BCAS1: variants seen among roughly 807,000 people sequenced by gnomAD.
BCAS1 encodes the protein brain enriched myelin associated protein 1.
In BCAS1, 46 loss-of-function variants were observed where a neutral mutation model predicts 65.4. That is an observed-to-expected ratio of 0.70 (90% confidence interval 0.55 to 0.90). The LOEUF is 0.90. Among genes scored for constraint, BCAS1 ranks in the 40% least tolerant of loss-of-function variants. The pLI is 0.00. For synonymous variants in BCAS1, 298 were observed against 293.5 expected, an observed-to-expected ratio of 1.02 and a Z score of -0.16; for missense variants, 793 against 771.2, an observed-to-expected ratio of 1.03 and a Z score of -0.33.
chr20:54,018,327 G>T (rs16998745), intron 4 of BCAS1, among the ~76,000 whole-genome samples: 11 of 152,014 alleles, frequency 7.2e-5, no homozygotes, highest in Non-Finnish European at 4.4e-5. Context: ...CTACCTGCTG[G>T]GGAATCTAAA....
chr20:53,988,694 A>G (rs527543824), intron 7 of BCAS1, among the ~76,000 whole-genome samples: 1 of 152,358 alleles, frequency 6.6e-6, no homozygotes, highest in Admixed American at 6.5e-5. Context: ...GAAATATCCA[A>G]TAAATTACTG....
At chr20:53,960,182 T>G (rs1299741869) in intron 10 of BCAS1, among the ~76,000 whole-genome samples, 5 of 152,174 alleles carry the variant, frequency 3.3e-5, no homozygotes. Flanking sequence ...GAGTCACGCA[T>G]GAGCACTCCA....
intron 3 of BCAS1, among the ~76,000 whole-genome samples, chr20:54,046,123 T>A (rs2092099357): frequency 6.6e-6 from 1 of 152,200 alleles, no homozygotes; most frequent in Admixed American, 6.5e-5. Context: ...AAAAATAAAA[T>A]ACAAAGAATT....
At chr20:53,964,029 G>A (rs1568818115) in intron 10 of BCAS1, among the ~76,000 whole-genome samples, 2 of 152,206 alleles carry the variant, frequency 1.3e-5, no homozygotes, top group African/African-American at 2.4e-5. Flanking sequence ...ACCTGTTTAC[G>A]CTCACTGTTG....
intron 1 of BCAS1, among the ~76,000 whole-genome samples, chr20:54,062,620 G>A (rs1479436305): frequency 6.6e-6 from 1 of 152,202 alleles, no homozygotes; most frequent in Non-Finnish European, 1.5e-5. Flanking sequence ...ATCAACACTT[G>A]AGGTTATGAA....
chr20:54,068,681 A>G (rs550260824), intron 1 of BCAS1, among the ~76,000 whole-genome samples: 2 of 152,254 alleles, frequency 1.3e-5, no homozygotes, highest in South Asian at 2.1e-4. Flanking sequence ...TACTTGCCCA[A>G]GAGTAGCAGT....
At chr20:53,995,637 T>G (rs371509361) in intron 5 of BCAS1, among the ~76,000 whole-genome samples, 7 of 152,296 alleles carry the variant, frequency 4.6e-5, no homozygotes, top group African/African-American at 1.7e-4. Flanking sequence ...AGAATTCCAT[T>G]ACAACACAGC....
intron 10 of BCAS1, among the ~76,000 whole-genome samples, chr20:53,966,050 A>G (rs923013883): frequency 3.3e-5 from 5 of 152,232 alleles, no homozygotes; most frequent in Non-Finnish European, 5.9e-5. Context: ...TAGTACAACC[A>G]CTATAGAAAA....
chr20:54,015,969 C>T (rs2091429343), intron 4 of BCAS1, among the ~76,000 whole-genome samples: 1 of 152,250 alleles, frequency 6.6e-6, no homozygotes, highest in Admixed American at 6.5e-5. Flanking sequence ...TATTCTATTA[C>T]TGAAAGTCAA....
chr20:54,004,728 T>C (rs2091143815), intron 4 of BCAS1, among the ~76,000 whole-genome samples: 1 of 152,042 alleles, frequency 6.6e-6, no homozygotes, highest in African/African-American at 2.4e-5. Context: ...AGTTATGCTT[T>C]CACTGTGTAT....
chr20:53,996,883 CTG>C (rs948390330), intron 4 of BCAS1, among the ~76,000 whole-genome samples: 16 of 152,340 alleles, frequency 1.1e-4, no homozygotes, highest in African/African-American at 3.4e-4. Flanking sequence ...TCCATCCTCT[CTG>C]TACCACGTGC....
intron 3 of BCAS1, among the ~76,000 whole-genome samples, chr20:54,041,098 T>G (rs1313329129): frequency 2.0e-5 from 3 of 151,368 alleles, no homozygotes; most frequent in East Asian, 3.8e-4. Context: ...TATTGTATGA[T>G]TCCATTTATA....
At chr20:53,961,110 T>C (rs1289640931) in intron 10 of BCAS1, among the ~76,000 whole-genome samples, 1 of 152,260 alleles carries the variant, frequency 6.6e-6, no homozygotes. Flanking sequence ...ATTTCTTTCA[T>C]CTTGTCATGC....
intron 4 of BCAS1, among the ~76,000 whole-genome samples, chr20:54,025,535 CAGA>C (rs1388264623): frequency 6.6e-6 from 1 of 152,136 alleles, no homozygotes; most frequent in Non-Finnish European, 1.5e-5. Flanking sequence ...TCTGAAAACA[CAGA>C]AGATTTGTAT....
chr20:54,007,777 G>C (rs1179726939), intron 4 of BCAS1, among the ~76,000 whole-genome samples: 1 of 152,054 alleles, frequency 6.6e-6, no homozygotes, highest in African/African-American at 2.4e-5. Flanking sequence ...CTGCTTCTGG[G>C]AAGATGGGGC....
At chr20:53,945,555 C>T (rs6127028) in intron 12 of BCAS1, among the ~76,000 whole-genome samples, 7,173 of 152,146 alleles carry the variant, frequency 0.047, 381 homozygotes, top group East Asian at 0.31. Context: ...CTTCCCCCAA[C>T]CCCCCATCCC....
chr20:54,010,183 T>C (rs1220601916), intron 4 of BCAS1, among the ~76,000 whole-genome samples: 1 of 152,196 alleles, frequency 6.6e-6, no homozygotes, highest in East Asian at 1.9e-4. Context: ...GGCAAGGATG[T>C]CAGCTCTCAT....
In BCAS1 at chr20:53,995,957, CCTTT is replaced by C; in HGVS notation, c.813_816del (p.Lys272ThrfsTer8). ...GCTATAGCTGCTGCCTGGGAATCGT[CCTTT>C]GCAGTCTCCAGTCCTTCTGGGTCCC... On this transcript the variant is annotated frameshift_variant, in exon 5 of 13. Transcript: ENST00000688948. LOFTEE classifies it high-confidence loss of function. The C allele has an allele frequency of 1.2e-6, 2 of 1,613,716 alleles. No homozygotes were observed. Among genetic ancestry groups the C allele is most frequent in the Non-Finnish European group, 1.7e-6 (2 of 1,179,734 alleles).
intron 9 of BCAS1, among the ~76,000 whole-genome samples, chr20:53,967,897 G>A (rs1283953082): frequency 6.6e-6 from 1 of 152,222 alleles, no homozygotes; most frequent in East Asian, 1.9e-4. Context: ...AGGACAGAGT[G>A]AATTGGCCAG....
Sources: gnomAD v4.1 joint callset for allele counts (sites outside exome capture counted in the v4.1 genomes callset) on GRCh38, gnomAD v4.1.1 for gene constraint, MANE v1.5 for transcripts, NCBI Gene and HGNC (gene_info 2026-07-23, HGNC 2026-07-21) for gene names.